GALK1: variants seen among roughly 807,000 people sequenced by gnomAD.
The protein encoded by GALK1 is galactokinase 1, also known as galactokinase.
A neutral mutation model predicts 38.6 loss-of-function variants in GALK1; 30 were observed. The ratio of observed to expected loss-of-function variants is 0.78; its 90% CI spans 0.58 to 1.05. The LOEUF is 1.05. GALK1 is among the 50% of genes least tolerant of loss of function. GALK1 has a pLI of 0.00. For synonymous variants in GALK1, 240 were observed against 233.6 expected (o/e 1.03, Z -0.25); for missense variants, 512 against 540.5 (o/e 0.95, Z 0.52).
chr17:75,752,722 T>G, intron 8 of GALK1: 1 of 1,031,076 alleles, frequency 9.7e-7, no homozygotes, highest in Non-Finnish European at 1.4e-6. Context: ...GGAGTGCACA[T>G]CTGTGCATGG....
At chr17:75,756,612 T>G (rs1456318600), downstream of GALK1, 2 of 1,612,696 alleles carry the variant, frequency 1.2e-6, no homozygotes, top group Non-Finnish European at 1.7e-6. Flanking sequence ...CTGTGTCCCC[T>G]GCCAGGTGAG....
downstream of GALK1, chr17:75,757,263 GCAGCATCAC>G (rs2061538050): frequency 6.2e-7 from 1 of 1,611,106 alleles, no homozygotes; most frequent in Admixed American, 1.7e-5. Flanking sequence ...AGCGAGTACA[GCAGCATCAC>G]CACCACCCAC....
chr17:75,753,970 C>G, downstream of GALK1: 1 of 1,258,132 alleles, frequency 7.9e-7, no homozygotes, highest in Non-Finnish European at 1.0e-6. Context: ...CCGGGCCCCC[C>G]GGAGGTGACA....
chr17:75,754,978 A>G, downstream of GALK1: 3 of 1,531,468 alleles, frequency 2.0e-6, no homozygotes, highest in South Asian at 3.4e-5. Context: ...ACACATGTAC[A>G]CAGACATGCA....
chr17:75,759,311 G>C (rs820384), intron 5 of GALK1, among the ~76,000 whole-genome samples: 100,685 of 151,672 alleles, frequency 0.66, 33,614 homozygotes, highest in Admixed American at 0.71. Context: ...GCCTGTAATC[G>C]CAGCTACTCA....
chr17:75,752,324 A>G (rs1279085704), intron 8 of GALK1: 1 of 1,612,642 alleles, frequency 6.2e-7, no homozygotes, highest in South Asian at 1.1e-5. Flanking sequence ...GCCATCATCA[A>G]CCTGGCCACC....
chr17:75,763,748 C>G (rs1035415848), intron 2 of GALK1, 149 bp downstream of exon 2: 13 of 890,556 alleles, frequency 1.5e-5, no homozygotes, highest in Non-Finnish European at 2.1e-5. Flanking sequence ...TCCCGACCTT[C>G]TGGGGGCATC....
At chr17:75,754,992 G>A (rs117920313), downstream of GALK1, 21,465 of 1,551,260 alleles carry the variant, frequency 0.014, 199 homozygotes, top group Non-Finnish European at 0.016. Flanking sequence ...ACATGCATGC[G>A]CACACGTACA....
chr17:75,763,220 A>G, intron 3 of GALK1, 71 bp from the exon 4 acceptor site: 1 of 1,610,876 alleles, frequency 6.2e-7, no homozygotes, highest in South Asian at 1.1e-5. Flanking sequence ...CACTCCAGGG[A>G]GAGTCCCTGC....
chr17:75,754,487 G>T (rs2061440197), downstream of GALK1: 2 of 1,554,474 alleles, frequency 1.3e-6, no homozygotes, highest in African/African-American at 1.4e-5. Context: ...CCAGAGGGTG[G>T]GTGACCAGGA....
At chr17:75,754,101 G>A, downstream of GALK1, 1 of 446,160 alleles carries the variant, frequency 2.2e-6, no homozygotes, top group Non-Finnish European at 3.8e-6. Flanking sequence ...CTTGGCGGCT[G>A]GGAGCACAGC....
downstream of GALK1, chr17:75,755,817 G>T: frequency 6.2e-7 from 1 of 1,608,356 alleles, no homozygotes; most frequent in Non-Finnish European, 8.5e-7. Flanking sequence ...GCCGCTGCAG[G>T]GCTACAGTGT....
downstream of GALK1, chr17:75,755,205 G>C: frequency 6.2e-7 from 1 of 1,604,028 alleles, no homozygotes; most frequent in Non-Finnish European, 8.5e-7. Context: ...GCGCCCTCCT[G>C]GGGCCCAGGT....
At chr17:75,755,972 C>A, downstream of GALK1, 2 of 1,239,658 alleles carry the variant, frequency 1.6e-6, 1 homozygote, top group South Asian at 2.6e-5. Flanking sequence ...CTAAAGCCCC[C>A]ATCCAGCCTG....
chr17:75,763,944 G>C lies in GALK1; in HGVS notation c.308C>G (p.Thr103Ser). The stretch of plus-strand genomic sequence containing the variant: ...CTTGACATAGTTGGCCCACCGAGGA[G>C]TCCCAGGCTCCAGCGAGCGCTGGGC... The part of the protein sequence containing the change: ...PTAQRSLEPG[T>S]PRWANYVKGV... The change falls in exon 2 of 8, where the codon ACT becomes AGT. Residue 103 changes from threonine (T) to serine (S), a missense_variant. Physicochemically the swap from Thr to Ser is moderately conservative, Grantham distance 58. Transcript: ENST00000588479. The C allele has an allele frequency of 1.9e-6, 3 of 1,613,794 alleles. No individual in the cohort carries two copies. The highest frequency in any genetic ancestry group is 2.5e-6 in the Non-Finnish European group (3 of 1,180,022).
chr17:75,756,321 C>T, downstream of GALK1: 8 of 1,233,214 alleles, frequency 6.5e-6, no homozygotes, highest in African/African-American at 1.5e-5. Context: ...CACAGCTAGT[C>T]CTGGGTGGGT....
Position 75,758,492 on chromosome 17 carries a change from T to A in GALK1, c.901A>T (p.Arg301Ter), listed in dbSNP as rs1224987754. ...AAAALRRGDY[R>*]AFGRLMVESH... ...TCCACCATGAGGCGGCCAAAGGCTC[T>A]GTAGTCGCCACGTCTCAGGGCGGCC... The change falls in exon 6 of 8, where the codon AGA (arginine) becomes TGA (stop). Residue 301 changes from arginine to a stop codon, truncating the protein, a stop_gained. Coordinates refer to ENST00000588479, the MANE Select transcript of GALK1 (RefSeq NM_000154.2). LOFTEE classifies it high-confidence loss of function. The A allele has an allele frequency of 6.3e-7, 1 of 1,578,778 alleles. No homozygotes were observed. The highest frequency in any genetic ancestry group is 2.3e-5 in the East Asian group (1 of 43,352).
At chr17:75,751,995 G>A (rs1023858346) in intron 8 of GALK1, 16 of 758,954 alleles carry the variant, frequency 2.1e-5, no homozygotes, top group African/African-American at 3.4e-5. Context: ...ATATGTCCAC[G>A]CCAGTCATGC....
rs779234943 is a variant in GALK1 at position 75,763,432 on chromosome 17, G to C, written c.363C>G (p.Pro121=). 3 of 1,599,494 alleles carry C rather than the reference G, an allele frequency of 1.9e-6. No individual in the cohort carries two copies. Among genetic ancestry groups the C allele is most frequent in the African/African-American group, 1.3e-5 (1 of 74,596 alleles). The change falls in exon 3 of 8, where the codon CCC becomes CCG. Residue 121 remains proline (P), a synonymous_variant. Transcript: ENST00000588479. ...CCACCACTGCACTGAAGCCAGGGAG[G>C]GGGGCAGCTGCAGGGGAAAGAACAG... ...KGVIQYYPAA[P]LPGFSAVVVS...
Sources: gnomAD v4.1 joint callset for allele counts (sites outside exome capture counted in the v4.1 genomes callset) on GRCh38, gnomAD v4.1.1 for gene constraint, MANE v1.5 for transcripts, NCBI Gene and HGNC (gene_info 2026-07-23, HGNC 2026-07-21) for gene names.